STX8: variants seen among roughly 807,000 people sequenced by gnomAD.
The protein encoded by STX8 is syntaxin 8.
In STX8, 23 loss-of-function variants were observed where a neutral mutation model predicts 37.5. The observed-to-expected ratio is 0.61, with a 90% CI of 0.44 to 0.87. STX8 has a LOEUF of 0.87. Among genes scored for constraint, STX8 ranks in the 40% least tolerant of loss-of-function variants. The probability of loss-of-function intolerance (pLI) is 0.00; values close to 1 mark genes in which losing one functional copy is unlikely to be tolerated. For missense variants in STX8, 313 were observed against 284.7 expected (o/e 1.10, Z -0.71); for synonymous variants, 115 against 99.1 (o/e 1.16, Z -0.95).
At chr17:9,250,708 C>A (rs1280447096) in intron 7 of STX8, 63 bp from the exon 8 acceptor site, 1 of 1,481,338 alleles carries the variant, frequency 6.8e-7, no homozygotes, top group African/African-American at 1.4e-5. Context: ...ATCACACATT[C>A]TGAGTGTCTG....
chr17:9,382,176 C>A (rs1469441279), intron 6 of STX8, among the ~76,000 whole-genome samples: 1 of 150,920 alleles, frequency 6.6e-6, no homozygotes, highest in Non-Finnish European at 1.5e-5. Flanking sequence ...AACACTCACA[C>A]ACACACACAC....
intron 4 of STX8, among the ~76,000 whole-genome samples, chr17:9,525,037 G>A (rs916746101): frequency 1.3e-5 from 2 of 152,116 alleles, no homozygotes; most frequent in African/African-American, 4.8e-5. Context: ...TCGAACTCCT[G>A]ACCTCAAGTG....
chr17:9,333,151 G>T (rs1446434789), intron 7 of STX8, among the ~76,000 whole-genome samples: 1 of 151,986 alleles, frequency 6.6e-6, no homozygotes, highest in African/African-American at 2.4e-5. Flanking sequence ...TTGTCACATG[G>T]GTATATTGTG....
intron 4 of STX8, among the ~76,000 whole-genome samples, chr17:9,516,338 T>C (rs1435021379): frequency 7.7e-6 from 1 of 130,572 alleles, no homozygotes; most frequent in Non-Finnish European, 1.7e-5. Flanking sequence ...TATATATATA[T>C]ATATAGACAC....
chr17:9,364,889 A>G (rs1286868249), intron 7 of STX8, among the ~76,000 whole-genome samples: 1 of 152,196 alleles, frequency 6.6e-6, no homozygotes, highest in Non-Finnish European at 1.5e-5. Flanking sequence ...TTATATAAAT[A>G]TGGTCAAAGT....
intron 7 of STX8, among the ~76,000 whole-genome samples, chr17:9,270,096 T>C (rs990089838): frequency 1.3e-5 from 2 of 152,240 alleles, no homozygotes; most frequent in African/African-American, 4.8e-5. Context: ...AATGTCTGTG[T>C]CTCCTCTCGT....
At chr17:9,545,390 A>G in intron 3 of STX8, 108 bp from the exon 4 acceptor site, 1 of 777,474 alleles carries the variant, frequency 1.3e-6, no homozygotes. Flanking sequence ...GACTGTAATC[A>G]CTACTACCCA....
chr17:9,495,475 T>G (rs1484467344), intron 5 of STX8, among the ~76,000 whole-genome samples: 2 of 152,112 alleles, frequency 1.3e-5, no homozygotes, highest in East Asian at 3.8e-4. Context: ...CTCCACAGTT[T>G]CCATTAGGAA....
intron 1 of STX8, among the ~76,000 whole-genome samples, chr17:9,572,998 A>C (rs1272421095): frequency 6.6e-6 from 1 of 151,964 alleles, no homozygotes; most frequent in East Asian, 1.9e-4. Context: ...TTGTAAACTG[A>C]GGGATTTAGG....
intron 6 of STX8, among the ~76,000 whole-genome samples, chr17:9,454,004 G>A (rs1321227572): frequency 6.6e-6 from 1 of 152,144 alleles, no homozygotes; most frequent in Non-Finnish European, 1.5e-5. Context: ...TGGTGCAAAG[G>A]AAGCGTTTAT....
At chr17:9,464,727 T>G (rs944756918) in intron 6 of STX8, 9 of 150,976 alleles carry the variant, frequency 6.0e-5, no homozygotes, top group Non-Finnish European at 1.3e-4. Flanking sequence ...TCATTGTTTT[T>G]TTTTTTTTTT....
chr17:9,547,437 C>T (rs1567605937), intron 3 of STX8: 2 of 151,728 alleles, frequency 1.3e-5, no homozygotes, highest in African/African-American at 2.4e-5. Context: ...AGTTCGAGAC[C>T]AGCCTGACCA....
intron 7 of STX8, among the ~76,000 whole-genome samples, chr17:9,270,764 A>C (rs1264065648): frequency 6.6e-6 from 1 of 152,230 alleles, no homozygotes; most frequent in Non-Finnish European, 1.5e-5. Flanking sequence ...CCAGTAAAGT[A>C]AGTCCAGTTG....
At chr17:9,539,878 T>C (rs1422756146) in intron 4 of STX8, among the ~76,000 whole-genome samples, 1 of 152,144 alleles carries the variant, frequency 6.6e-6, no homozygotes, top group Non-Finnish European at 1.5e-5. Flanking sequence ...GAGCTGAGCG[T>C]TCCCTAAGAG....
intron 6 of STX8, among the ~76,000 whole-genome samples, chr17:9,463,849 G>A (rs998842766): frequency 1.3e-5 from 2 of 151,694 alleles, no homozygotes; most frequent in African/African-American, 4.8e-5. Context: ...CAGAGGTTGC[G>A]GTGAGCTGAG....
chr17:9,438,023 G>T (rs1904494832), intron 6 of STX8: 1 of 152,134 alleles, frequency 6.6e-6, no homozygotes, highest in African/African-American at 2.4e-5. Context: ...GAGGTGGGCA[G>T]ATCACGAGGT....
At chr17:9,327,286 AAAG>A (rs199605122) in intron 7 of STX8, among the ~76,000 whole-genome samples, 48 of 148,678 alleles carry the variant, frequency 3.2e-4, no homozygotes, top group African/African-American at 4.6e-4. Context: ...AAGAAGGAAG[AAAG>A]AAGAAGAAGA....
rs984654709 is a variant in STX8 at position 9,445,688 on chromosome 17, C to T, written c.541+46141G>A. Among the ~76,000 whole-genome samples the T allele has an allele frequency of 3.5e-4, 53 of 152,140 alleles. 1 individual carries two copies. The highest frequency in any genetic ancestry group is 1.2e-3 in the African/African-American group (48 of 41,524). ...ATTAAATTTTCCAAGATTCTGCATG[C>T]TTTTCAAACCATAAAAGACCCACTT... is the stretch of plus-strand genomic sequence containing the variant. On this transcript the variant is annotated intron_variant, in intron 6 of 7. Transcript: ENST00000306357.
intron 7 of STX8, among the ~76,000 whole-genome samples, chr17:9,302,703 C>T (rs1037154913): frequency 1.3e-5 from 2 of 151,942 alleles, no homozygotes; most frequent in Admixed American, 6.6e-5. Context: ...CCACAGAGCA[C>T]TGGTGGAGAC....
Sources: gnomAD v4.1 joint callset for allele counts (sites outside exome capture counted in the v4.1 genomes callset) on GRCh38, gnomAD v4.1.1 for gene constraint, MANE v1.5 for transcripts, NCBI Gene and HGNC (gene_info 2026-07-23, HGNC 2026-07-21) for gene names.